ELOVL5: variants seen among roughly 807,000 people sequenced by gnomAD.
The protein encoded by ELOVL5 is very long chain fatty acid elongase 5.
In ELOVL5, 8 loss-of-function variants were observed where a neutral mutation model predicts 38.6. The observed-to-expected ratio is 0.21, with a 90% CI of 0.12 to 0.37. The LOEUF (loss-of-function observed/expected upper bound fraction) is 0.37, where lower values mean the gene tolerates loss of function less well. Among genes scored for constraint, ELOVL5 ranks in the 10% least tolerant of loss-of-function variants. ELOVL5 has a pLI of 1.00. For missense variants in ELOVL5, 280 were observed against 367.8 expected, an observed-to-expected ratio of 0.76 and a Z score of 1.95; for synonymous variants, 127 against 133.7, an observed-to-expected ratio of 0.95 and a Z score of 0.34.
intron 3 of ELOVL5, among the ~76,000 whole-genome samples, chr6:53,287,696 C>T (rs745346714): frequency 6.6e-6 from 1 of 152,184 alleles, no homozygotes. Context: ...AGGGGTAGAG[C>T]CCAGAAGAAT....
chr6:53,287,926 G>A, intron 3 of ELOVL5: 3 of 1,535,654 alleles, frequency 2.0e-6, no homozygotes, highest in East Asian at 2.4e-5. Flanking sequence ...AGATCGACGG[G>A]GTTGCTCCCT....
chr6:53,295,028 T>C (rs1481043289), intron 2 of ELOVL5, among the ~76,000 whole-genome samples: 1 of 152,248 alleles, frequency 6.6e-6, no homozygotes, highest in African/African-American at 2.4e-5. Flanking sequence ...TAAGTCCTTT[T>C]GTTATTTCTT....
chr6:53,275,349 T>G (rs1252393022), intron 4 of ELOVL5, 88 bp from the exon 5 acceptor site: 5 of 1,410,956 alleles, frequency 3.5e-6, no homozygotes, highest in Non-Finnish European at 4.9e-6. Flanking sequence ...TATCCAAAAA[T>G]CTGATGTCAA....
chr6:53,321,727 G>T (rs1293938956), intron 1 of ELOVL5, among the ~76,000 whole-genome samples: 2 of 152,144 alleles, frequency 1.3e-5, no homozygotes, highest in Non-Finnish European at 2.9e-5. Context: ...CACTATACTA[G>T]TATGTCAGAA....
chr6:53,279,225 A>C (rs1471545797), intron 3 of ELOVL5, among the ~76,000 whole-genome samples: 1 of 152,202 alleles, frequency 6.6e-6, no homozygotes, highest in Non-Finnish European at 1.5e-5. Flanking sequence ...TCATAGGATT[A>C]AACATAAGTG....
chr6:53,333,944 C>T (rs963459533), intron 1 of ELOVL5, among the ~76,000 whole-genome samples: 27 of 152,250 alleles, frequency 1.8e-4, no homozygotes, highest in African/African-American at 4.1e-4. Flanking sequence ...TATGATACCA[C>T]GTTGCCTGTC....
chr6:53,337,752 C>G (rs1191208686), intron 1 of ELOVL5, among the ~76,000 whole-genome samples: 2 of 152,148 alleles, frequency 1.3e-5, no homozygotes, highest in Non-Finnish European at 2.9e-5. Flanking sequence ...ATCAAGAAAA[C>G]AGAGGCAAGG....
chr6:53,268,987 G>A lies in ELOVL5; in HGVS notation c.*140C>T. The A allele has an allele frequency of 1.0e-6, 1 of 966,942 alleles. No individual in the cohort carries two copies. Among genetic ancestry groups the A allele is most frequent in the Admixed American group, 2.5e-5 (1 of 39,838 alleles). 59.9% of individuals were successfully genotyped at this position (966,942 alleles called of 1,614,324 possible). A position where few individuals can be genotyped will look rare whatever the true frequency, so the allele number is the denominator to read the frequency against. On this transcript the variant is annotated 3_prime_UTR_variant, in exon 8 of 8. Transcript: ENST00000304434. ...TCTGTATACGTTTTCTAGGGGTTTT[G>A]AATTGATGAAAGAAGTCCTACATGA...
chr6:53,275,713 G>A (rs1033231270), intron 4 of ELOVL5, among the ~76,000 whole-genome samples: 1 of 152,200 alleles, frequency 6.6e-6, no homozygotes, highest in Admixed American at 6.5e-5. Context: ...TGCAGTGTCA[G>A]GTCTCTGCCC....
At chr6:53,282,205 G>A (rs1212934691) in intron 3 of ELOVL5, among the ~76,000 whole-genome samples, 1 of 152,248 alleles carries the variant, frequency 6.6e-6, no homozygotes. Context: ...GGCTAAGGTG[G>A]TGCTGGATGT....
At chr6:53,289,171 A>G (rs534652715) in intron 3 of ELOVL5, among the ~76,000 whole-genome samples, 19 of 152,394 alleles carry the variant, frequency 1.2e-4, no homozygotes, top group African/African-American at 4.3e-4. Flanking sequence ...TTAAATAAAC[A>G]AAAATACCAA....
At chr6:53,289,124 G>C (rs536148849) in intron 3 of ELOVL5, among the ~76,000 whole-genome samples, 3 of 152,244 alleles carry the variant, frequency 2.0e-5, no homozygotes, top group South Asian at 4.1e-4. Flanking sequence ...TATTAATCTA[G>C]AACTTGCTAA....
intron 1 of ELOVL5, among the ~76,000 whole-genome samples, chr6:53,324,111 G>A (rs9463905): frequency 0.044 from 6,743 of 151,650 alleles, 231 homozygotes; most frequent in African/African-American, 0.098. Flanking sequence ...AAACTAGCCC[G>A]GCATGGTGGC....
At chr6:53,294,118 C>T in intron 2 of ELOVL5, 12 of 1,400,816 alleles carry the variant, frequency 8.6e-6, no homozygotes, top group Non-Finnish European at 1.1e-5. Flanking sequence ...TTACACTTTG[C>T]TTTATTCATT....
chr6:53,337,440 G>A (rs931366952), intron 1 of ELOVL5: 1 of 152,150 alleles, frequency 6.6e-6, no homozygotes, highest in African/African-American at 2.4e-5. Flanking sequence ...CAATTTGTAT[G>A]GTCTGAGAGC....
chr6:53,275,987 C>T (rs543159582), intron 4 of ELOVL5, among the ~76,000 whole-genome samples, 192 bp downstream of exon 4: 5 of 152,244 alleles, frequency 3.3e-5, no homozygotes, highest in Middle Eastern at 3.4e-3. Flanking sequence ...GAGGGGGATG[C>T]TTTAGGTTTT....
At chr6:53,342,595 T>TG (rs1769375678) in intron 1 of ELOVL5, among the ~76,000 whole-genome samples, 1 of 152,178 alleles carries the variant, frequency 6.6e-6, no homozygotes, top group Admixed American at 6.5e-5. Flanking sequence ...CGCAAGAGGG[T>TG]GCCTACCTAA....
At chr6:53,334,847 C>T (rs995101198) in intron 1 of ELOVL5, among the ~76,000 whole-genome samples, 1 of 152,182 alleles carries the variant, frequency 6.6e-6, no homozygotes, top group Non-Finnish European at 1.5e-5. Flanking sequence ...GGACTCCTCC[C>T]TCTGCAATGG....
At chr6:53,313,588 C>G (rs1767925188) in intron 1 of ELOVL5, among the ~76,000 whole-genome samples, 1 of 152,134 alleles carries the variant, frequency 6.6e-6, no homozygotes, top group Non-Finnish European at 1.5e-5. Flanking sequence ...TCTTGAACTC[C>G]TGGGCTCAAG....
Sources: allele counts gnomAD v4.1 joint callset (sites outside exome capture counted in the v4.1 genomes callset), GRCh38; gene constraint gnomAD v4.1.1; transcripts MANE v1.5; gene names NCBI Gene and HGNC (gene_info 2026-07-23, HGNC 2026-07-21).